PPP6R3: variants seen among roughly 807,000 people sequenced by gnomAD.
PPP6R3 encodes the protein protein phosphatase 6 regulatory subunit 3, also known as serine/threonine-protein phosphatase 6 regulatory subunit 3.
Under a neutral mutation model 110.7 loss-of-function variants are expected in PPP6R3, and 38 were observed. The ratio of observed to expected loss-of-function variants is 0.34; its 90% confidence interval spans 0.26 to 0.45. PPP6R3 has a LOEUF of 0.45. PPP6R3 is among the 20% of genes least tolerant of loss of function. The pLI is 1.00. For missense variants in PPP6R3, 870 were observed against 1,062.4 expected, an observed-to-expected ratio of 0.82 and a Z score of 2.52; for synonymous variants, 369 against 373.5, an observed-to-expected ratio of 0.99 and a Z score of 0.14.
intron 16 of PPP6R3, 121 bp downstream of exon 16, chr11:68,588,145 C>T (rs1171260539): frequency 3.6e-6 from 3 of 840,166 alleles, no homozygotes; most frequent in Non-Finnish European, 6.0e-6. Flanking sequence ...CCTGCTCTTT[C>T]CACGGTGTTC....
chr11:68,543,746 G>A (rs1181717500), intron 3 of PPP6R3, among the ~76,000 whole-genome samples: 1 of 152,232 alleles, frequency 6.6e-6, no homozygotes, highest in Non-Finnish European at 1.5e-5. Flanking sequence ...GTCCAGCAGG[G>A]AGGAGTGTAA....
intron 2 of PPP6R3, among the ~76,000 whole-genome samples, chr11:68,532,027 A>T (rs1276294479): frequency 6.6e-6 from 1 of 152,210 alleles, no homozygotes; most frequent in Non-Finnish European, 1.5e-5. Flanking sequence ...AATTTTACAG[A>T]TAGACTGATG....
chr11:68,590,495 G>A (rs2099591750), intron 16 of PPP6R3, among the ~76,000 whole-genome samples, 165 bp from the exon 17 acceptor site: 1 of 152,118 alleles, frequency 6.6e-6, no homozygotes, highest in Non-Finnish European at 1.5e-5. Context: ...TAATACCAAG[G>A]GAGCTGGCAT....
chr11:68,537,913 T>G, intron 3 of PPP6R3, 22 bp downstream of exon 3: 3 of 1,554,876 alleles, frequency 1.9e-6, no homozygotes, highest in Non-Finnish European at 2.7e-6. Flanking sequence ...CAATCTTCTC[T>G]GTAGAGTGGG....
rs748321501 is a variant in PPP6R3, at chr11:68,596,176, A to C, written c.1996A>C (p.Ser666Arg). 3.1e-6 allele frequency: 5 copies of C among 1,614,266 alleles called. No homozygotes were observed. The highest frequency in any genetic ancestry group is 4.2e-6 in the Non-Finnish European group (5 of 1,180,024). ...GAKQDLFEPS[S>R]ANTEDKMEVD... ...AAAGCAAGACTTGTTTGAACCCAGC[A>C]GTGCCAACACGGAGGATAAAATGGA... The change falls in exon 19 of 24, where the codon AGT becomes CGT. Residue 666 changes from serine (S) to arginine (R), a missense_variant. Transcript: ENST00000393800.
chr11:68,547,357 G>A (rs922519419), intron 4 of PPP6R3, among the ~76,000 whole-genome samples: 1 of 152,130 alleles, frequency 6.6e-6, no homozygotes. Context: ...TGACACGTGC[G>A]CATGGACAGA....
At chr11:68,577,741 C>T (rs950457736) in intron 14 of PPP6R3, among the ~76,000 whole-genome samples, 8 of 152,212 alleles carry the variant, frequency 5.3e-5, no homozygotes, top group Admixed American at 1.3e-4. Flanking sequence ...AAAAATAAAA[C>T]GTTCAGCCCC....
chr11:68,610,163 C>G (rs1474309441), intron 23 of PPP6R3, 140 bp downstream of exon 23: 1 of 1,200,498 alleles, frequency 8.3e-7, no homozygotes, highest in South Asian at 1.6e-5. Flanking sequence ...ACAGGGTTTT[C>G]TCAGTCCTTA....
chr11:68,587,620 G>T, intron 15 of PPP6R3: 1 of 416,334 alleles, frequency 2.4e-6, no homozygotes, highest in East Asian at 5.4e-5. Context: ...CATGTCATGT[G>T]ATCACTTTAA....
chr11:68,533,982 C>T (rs180838626), intron 2 of PPP6R3, among the ~76,000 whole-genome samples: 3 of 152,260 alleles, frequency 2.0e-5, no homozygotes, highest in East Asian at 1.9e-4. Context: ...TTGGGGACCA[C>T]GGCACGTTCC....
Position 68,587,188 on chromosome 11 carries a change from C to CT in PPP6R3, c.1633-739_1633-738insT, listed in dbSNP as rs1309793059. The CT allele has an allele frequency of 1.6e-3, 232 of 145,752 alleles. 2 individuals carry two copies. The highest frequency in any genetic ancestry group is 5.6e-3 in the African/African-American group (222 of 39,772). 9.0% of individuals were successfully genotyped at this position (145,752 alleles called of 1,614,324 possible). The stretch of plus-strand genomic sequence containing the variant: ...GGTCCATTATAACACCCCCCCCCCC[C>CT]ACATTTTCAACTAAAAACCCGAACA... On this transcript the variant is annotated intron_variant, in intron 15 of 23. Transcript: ENST00000393800.
At chr11:68,566,606 C>G (rs757715567) in intron 9 of PPP6R3, among the ~76,000 whole-genome samples, 1 of 152,132 alleles carries the variant, frequency 6.6e-6, no homozygotes, top group Non-Finnish European at 1.5e-5. Context: ...AGCGATCCAC[C>G]CACCTCGGCC....
At position 68,613,810 on chromosome 11, in the gene PPP6R3, GT is replaced by G; in HGVS notation, c.*695del. 2 of 984,604 alleles carry G rather than the reference GT, an allele frequency of 2.0e-6. No homozygotes were observed. The highest frequency in any genetic ancestry group is 2.4e-6 in the Non-Finnish European group (2 of 829,590). The allele number at this position is 984,604 out of a possible 1,614,324, so 61.0% of individuals were successfully genotyped here. A position where few individuals can be genotyped will look rare whatever the true frequency, so the allele number is the denominator to read the frequency against. Reference sequence around the variant, plus strand: ...AATTGATGTTATCGTAAAGCCATATGTTCTGTTCAAGTCTTGTTTGCTTGAA... The same window carrying G: ...AATTGATGTTATCGTAAAGCCATATGTCTGTTCAAGTCTTGTTTGCTTGAA... On this transcript the variant is annotated 3_prime_UTR_variant, in exon 24 of 24. Transcript: ENST00000393800.
At chr11:68,559,835 T>C (rs1190144916) in intron 8 of PPP6R3, among the ~76,000 whole-genome samples, 1 of 137,252 alleles carries the variant, frequency 7.3e-6, no homozygotes, top group African/African-American at 2.7e-5. Context: ...ACCCCAGCGG[T>C]ACGGTGCCCT....
intron 10 of PPP6R3, among the ~76,000 whole-genome samples, chr11:68,567,432 C>CTCCG (rs1411049260): frequency 6.6e-6 from 1 of 152,194 alleles, no homozygotes; most frequent in Admixed American, 6.5e-5. Context: ...TTCCCTCGTG[C>CTCCG]TCCGTCTCGT....
chr11:68,600,370 C>A lies in PPP6R3; in HGVS notation c.2068C>A (p.Pro690Thr), dbSNP rs765315647. The change falls in exon 20 of 24, where the codon CCA (proline) becomes ACA (threonine). Residue 690 changes from proline to threonine, a missense_variant. Coordinates refer to ENST00000393800, the MANE Select transcript of PPP6R3 (RefSeq NM_001164161.2). ...CAACTGGTCAGCTAACTTTGATGTC[C>A]CAATGGAAACAACCCACGGTGCTCC... ...PPNWSANFDV[P>T]METTHGAPLD... 5 of 1,613,924 alleles carry A rather than the reference C, an allele frequency of 3.1e-6. No homozygotes were observed. The African/African-American group carries it at 5.3e-5, about 17-fold the overall frequency.
At position 68,556,535 on chromosome 11, in the gene PPP6R3, T is replaced by TTA. The variant is rs373905414; in HGVS notation, c.732-2031_732-2030insTA. On this transcript the variant is annotated intron_variant, in intron 7 of 23. Coordinates refer to ENST00000393800, the MANE Select transcript of PPP6R3 (RefSeq NM_001164161.2). ...GGTTTTTTGTAAGTGAATTTCTCAT[T>TTA]AAAAAAAAAAAAAACGAAAAAAAAA... 4.2e-4 allele frequency among the ~76,000 whole-genome samples: 45 copies of TTA among 107,834 alleles called. 1 individual carries two copies. The East Asian group carries it at 7.6e-3, about 18-fold the overall frequency. The allele number at this position is 107,834 out of a possible 152,430, so 70.7% of individuals were successfully genotyped here.
intron 4 of PPP6R3, among the ~76,000 whole-genome samples, chr11:68,546,016 A>G (rs574988988): frequency 1.0e-3 from 156 of 152,314 alleles, no homozygotes; most frequent in African/African-American, 3.6e-3. Flanking sequence ...TGCTATCAGC[A>G]CTTGTGGAAG....
At chr11:68,564,156 C>A in intron 8 of PPP6R3, 147 bp from the exon 9 acceptor site, 1 of 789,474 alleles carries the variant, frequency 1.3e-6, no homozygotes, top group Non-Finnish European at 2.0e-6. Flanking sequence ...CATTAACCCT[C>A]TTCTGCCTCA....
Sources: gnomAD v4.1 joint callset for allele counts (sites outside exome capture counted in the v4.1 genomes callset) on GRCh38, gnomAD v4.1.1 for gene constraint, MANE v1.5 for transcripts, NCBI Gene and HGNC (gene_info 2026-07-23, HGNC 2026-07-21) for gene names.